KRT31: variants seen among roughly 807,000 people sequenced by gnomAD.
KRT31 encodes the protein keratin 31.
KRT31 carries 27 observed loss-of-function variants against 40.8 expected under a neutral mutation model. The observed-to-expected ratio is 0.66, with a 90% CI of 0.49 to 0.91. The LOEUF is 0.91. KRT31 is among the 40% of genes least tolerant of loss of function. The pLI, the probability that KRT31 is intolerant of heterozygous loss-of-function variation, is 0.00. For missense variants in KRT31, 510 were observed against 544.1 expected, an observed-to-expected ratio of 0.94 and a Z score of 0.62; for synonymous variants, 231 against 231.9, an observed-to-expected ratio of 1.00 and a Z score of 0.03.
Position 41,396,899 on chromosome 17 carries a change from T to A in KRT31, c.431+14A>T, listed in dbSNP as rs374329083. On this transcript the variant is annotated intron_variant, in intron 2 of 6. Coordinates refer to ENST00000251645, the MANE Select transcript of KRT31 (RefSeq NM_002277.3). ...AGAAGCAATTGACACTAGTGCAAAT[T>A]CCGAACAACTCACTTGGTTCTGAAA... The A allele has an allele frequency of 6.2e-7, 1 of 1,606,260 alleles. No homozygotes were observed. The highest frequency in any genetic ancestry group is 2.2e-5 in the East Asian group (1 of 44,860).
chr17:41,393,871 C>T lies in KRT31; in HGVS notation c.*145G>A. The T allele has an allele frequency of 2.4e-6, 2 of 833,930 alleles. No homozygotes were observed. The highest frequency in any genetic ancestry group is 2.8e-5 in the East Asian group (1 of 35,596). The allele number at this position is 833,930 out of a possible 1,614,324, so 51.7% of individuals were successfully genotyped here. Reference sequence around the variant, plus strand: ...CTGGAGTAGTTGGGGAGGCTACAGGCTTTGGGTGAGTTTCTTGGCTGCCTT... The same window carrying T: ...CTGGAGTAGTTGGGGAGGCTACAGGTTTTGGGTGAGTTTCTTGGCTGCCTT... On this transcript the variant is annotated 3_prime_UTR_variant, in exon 7 of 7. Coordinates refer to ENST00000251645, the MANE Select transcript of KRT31 (RefSeq NM_002277.3).
rs751109532 is a variant in KRT31 at position 41,395,613 on chromosome 17, G to A, written c.599C>T (p.Thr200Ile). ...LKSNHEQEVNTLRCQLGDRLN... is the reference protein window; with the variant it reads ...LKSNHEQEVNILRCQLGDRLN... ...GCGGTCTCCAAGCTGGCAGCGCAGG[G>A]TATTGACCTCCTATGGATGCAGAAA... The change falls in exon 4 of 7, where the codon ACC (threonine) becomes ATC (isoleucine). Residue 200 changes from threonine (T) to isoleucine (I), a missense_variant. Thr to Ile is a moderately conservative substitution (Grantham distance 89). Coordinates refer to ENST00000251645, the MANE Select transcript of KRT31 (RefSeq NM_002277.3). The A allele has an allele frequency of 3.7e-6, 6 of 1,613,914 alleles. No individual in the cohort carries two copies. The highest frequency in any genetic ancestry group is 3.4e-6 in the Non-Finnish European group (4 of 1,179,944).
At chr17:41,396,698 G>A in intron 2 of KRT31, 122 bp from the exon 3 acceptor site, 1 of 1,158,936 alleles carries the variant, frequency 8.6e-7, no homozygotes, top group Non-Finnish European at 1.2e-6. Flanking sequence ...AGGAGACAGA[G>A]GTTTCTGGAG....
At chr17:41,396,655 C>A in intron 2 of KRT31, 79 bp from the exon 3 acceptor site, 2 of 1,489,588 alleles carry the variant, frequency 1.3e-6, no homozygotes, top group Admixed American at 2.0e-5. Context: ...CCTCATGTGC[C>A]TTATCTTTCC....
At position 41,395,301 on chromosome 17, in the gene KRT31, C is replaced by G. The variant is rs751200045; in HGVS notation, c.820G>C (p.Glu274Gln). Residue 274 changes from glutamate to glutamine, a missense_variant, in exon 5 of 7, where the codon GAG (glutamate) becomes CAG (glutamine). Glu to Gln is a conservative substitution (Grantham distance 29). Transcript: ENST00000251645. ...AGGGCGTTGACTGTGCGTCTCAGCT[C>G]GATGATCTCCGCCTGGTAGGACTGC... ...QLQSYQAEII[E>Q]LRRTVNALEI... 1 of 1,613,276 alleles carries G rather than the reference C, an allele frequency of 6.2e-7. No individual in the cohort carries two copies. The highest frequency in any genetic ancestry group is 8.5e-7 in the Non-Finnish European group (1 of 1,180,038).
chr17:41,395,378 A>T lies in KRT31; in HGVS notation c.751-8T>A, dbSNP rs1419840471. 6.2e-7 allele frequency: 1 copy of T among 1,613,962 alleles called. No individual in the cohort carries two copies. The highest frequency in any genetic ancestry group is 8.5e-7 in the Non-Finnish European group (1 of 1,180,008). On this transcript the variant is annotated splice_region_variant and splice_polypyrimidine_tract_variant and intron_variant, in intron 4 of 6. Coordinates refer to ENST00000251645, the MANE Select transcript of KRT31 (RefSeq NM_002277.3). ...CTTGTTCAGCTCCTCGGTCTGAAAC[A>T]CCCAAGGGGAGAAAGGATCAGACCC...
In KRT31 at chr17:41,393,894, C is replaced by A; in HGVS notation, c.*122G>T. 3 of 1,123,886 alleles carry A rather than the reference C, an allele frequency of 2.7e-6. No individual in the cohort carries two copies. Among genetic ancestry groups the A allele is most frequent in the East Asian group, 2.6e-5 (1 of 37,888 alleles). 69.6% of individuals were successfully genotyped at this position (1,123,886 alleles called of 1,614,324 possible). A position where few individuals can be genotyped will look rare whatever the true frequency, so the allele number is the denominator to read the frequency against. On this transcript the variant is annotated 3_prime_UTR_variant, in exon 7 of 7. Coordinates refer to ENST00000251645, the MANE Select transcript of KRT31 (RefSeq NM_002277.3). ...GGCTTTGGGTGAGTTTCTTGGCTGC[C>A]TTACGCGGGCAACTCCAGCCATGCA...
At chr17:41,394,265 G>T in intron 6 of KRT31, 96 bp from the exon 7 acceptor site, 4 of 1,324,794 alleles carry the variant, frequency 3.0e-6, no homozygotes, top group South Asian at 1.3e-5. Flanking sequence ...CTGGGTCAAG[G>T]GACTTGACCT....
chr17:41,396,821 C>A, intron 2 of KRT31, 92 bp downstream of exon 2: 1 of 1,221,574 alleles, frequency 8.2e-7, no homozygotes, highest in Non-Finnish European at 1.2e-6. Flanking sequence ...TCCTTCACAA[C>A]AAGTGGGTAG....
chr17:41,397,359 G>C lies in KRT31; in HGVS notation c.181C>G (p.Gln61Glu). ...CTGGCCAGGCGGTCGTTCAGGAACT[G>C]CATAGTCTCCTTCTCGCTACCATTG... ...SFNGSEKETM[Q>E]FLNDRLASYL... Residue 61 changes from glutamine (Q) to glutamate (E), a missense_variant, in exon 1 of 7, where the codon CAG (glutamine) becomes GAG (glutamate). By Grantham distance (29) the Gln-to-Glu change is conservative. Coordinates refer to ENST00000251645, the MANE Select transcript of KRT31 (RefSeq NM_002277.3). 2 of 1,613,510 alleles carry C rather than the reference G, an allele frequency of 1.2e-6. No individual in the cohort carries two copies. The highest frequency in any genetic ancestry group is 1.7e-6 in the Non-Finnish European group (2 of 1,180,054).
At chr17:41,396,390 G>A in intron 3 of KRT31, 30 bp downstream of exon 3, 3 of 1,607,004 alleles carry the variant, frequency 1.9e-6, no homozygotes, top group Non-Finnish European at 2.6e-6. Flanking sequence ...GGCTGAGACA[G>A]GTTTGTGCAT....
At chr17:41,396,715 T>A in intron 2 of KRT31, 139 bp from the exon 3 acceptor site, 1 of 1,069,044 alleles carries the variant, frequency 9.4e-7, no homozygotes, top group East Asian at 2.6e-5. Context: ...GGAGGCTCCA[T>A]CAATACCCAA....
chr17:41,393,955 C>T lies in KRT31; in HGVS notation c.*61G>A. 3.2e-6 allele frequency: 5 copies of T among 1,555,664 alleles called. No individual in the cohort carries two copies. The highest frequency in any genetic ancestry group is 3.5e-6 in the Non-Finnish European group (4 of 1,153,806). The stretch of plus-strand genomic sequence containing the variant: ...TCAGGCCCCTTTTGTTGAACCAGAG[C>T]CAGGTCACAGCTCTGGAGTCCTGGG... On this transcript the variant is annotated 3_prime_UTR_variant, in exon 7 of 7. Coordinates refer to ENST00000251645, the MANE Select transcript of KRT31 (RefSeq NM_002277.3).
chr17:41,394,030 A>G lies in KRT31; in HGVS notation c.1237T>C (p.Ser413Pro), dbSNP rs769862276. The G allele has an allele frequency of 6.2e-7, 1 of 1,613,248 alleles. No homozygotes were observed. The highest frequency in any genetic ancestry group is 8.5e-7 in the Non-Finnish European group (1 of 1,179,770). ...TTCCCTAGGTTCTAGCGCACGAAGG[A>G]ATTGCAGGGCCCACAGCGGGGGCGT... ...APRPRCGPCN[S>P]FVR The change falls in exon 7 of 7, where the codon TCC becomes CCC. Residue 413 changes from serine to proline, a missense_variant. Transcript: ENST00000251645.
At chr17:41,394,267 A>T in intron 6 of KRT31, 98 bp from the exon 7 acceptor site, 2 of 1,309,108 alleles carry the variant, frequency 1.5e-6, no homozygotes, top group Middle Eastern at 1.9e-4. Context: ...GGGTCAAGGG[A>T]CTTGACCTGG....
At chr17:41,395,678 G>T in intron 3 of KRT31, 55 bp from the exon 4 acceptor site, 1 of 1,568,336 alleles carries the variant, frequency 6.4e-7, no homozygotes, top group Admixed American at 1.9e-5. Flanking sequence ...TGAACTCTAA[G>T]GAATGGCATT....
Position 41,394,102 on chromosome 17 carries a change from G to A in KRT31, c.1165C>T (p.Pro389Ser), listed in dbSNP as rs1319612277. The A allele has an allele frequency of 1.2e-6, 2 of 1,613,222 alleles. No homozygotes were observed. The highest frequency in any genetic ancestry group is 1.7e-6 in the Non-Finnish European group (2 of 1,179,626). The change falls in exon 7 of 7, where the codon CCC becomes TCC. Residue 389 changes from proline (P) to serine (S), a missense_variant. Transcript: ENST00000251645. ...SKPIGPCLSN[P>S]CTSCVPPAPC... ...GCAGGAGGGACACAAGAGGTACAGG[G>A]ATTGGAGAGACAGGGTCCGATGGGC...
chr17:41,395,670 A>G (rs2018214821), intron 3 of KRT31, 47 bp from the exon 4 acceptor site: 1 of 1,581,842 alleles, frequency 6.3e-7, no homozygotes, highest in Non-Finnish European at 8.6e-7. Flanking sequence ...GCAAAGAATG[A>G]ACTCTAAGGA....
chr17:41,396,728 T>G, intron 2 of KRT31, 152 bp from the exon 3 acceptor site: 1 of 1,045,120 alleles, frequency 9.6e-7, no homozygotes, highest in Non-Finnish European at 1.4e-6. Flanking sequence ...ATACCCAATA[T>G]TCATCCCAAA....
Sources: allele counts gnomAD v4.1 joint callset, GRCh38; gene constraint gnomAD v4.1.1; transcripts MANE v1.5; gene names NCBI Gene and HGNC (gene_info 2026-07-23, HGNC 2026-07-21).